Variants in EPHA3 observed in about 807,000 individuals in gnomAD.
EPHA3 encodes EPH receptor A3, also known as ephrin type-A receptor 3.
A neutral mutation model predicts 107.1 loss-of-function variants in EPHA3; 42 were observed. The observed-to-expected ratio is 0.39, with a 90% CI of 0.31 to 0.51. The LOEUF is 0.51. EPHA3 is among the 20% of genes least tolerant of loss of function. The probability of loss-of-function intolerance (pLI) is 0.78; values close to 1 mark genes in which losing one functional copy is unlikely to be tolerated. For synonymous variants in EPHA3, 461 were observed against 424.8 expected, an observed-to-expected ratio of 1.09 and a Z score of -1.05; for missense variants, 1,183 against 1,211.2, an observed-to-expected ratio of 0.98 and a Z score of 0.35.
intron 3 of EPHA3, among the ~76,000 whole-genome samples, chr3:89,215,695 A>G (rs543848630): frequency 1.7e-4 from 26 of 152,054 alleles, no homozygotes; most frequent in East Asian, 5.8e-4. Flanking sequence ...CATAAATGTT[A>G]GTAACATTCT....
chr3:89,431,379 T>G lies in EPHA3; in HGVS notation c.2346+20T>G. On this transcript the variant is annotated intron_variant, in intron 13 of 16. Coordinates refer to ENST00000336596, the MANE Select transcript of EPHA3 (RefSeq NM_005233.6). ...ACAAGAGTGAGTAACTTAGATTTTC[T>G]CCTTTTTTATCATTGTTTTCCATCT... 1 of 1,593,310 alleles carries G rather than the reference T, an allele frequency of 6.3e-7. No individual in the cohort carries two copies. The highest frequency in any genetic ancestry group is 8.6e-7 in the Non-Finnish European group (1 of 1,165,566).
intron 11 of EPHA3, among the ~76,000 whole-genome samples, chr3:89,419,916 T>C (rs1276812290): frequency 6.6e-6 from 1 of 151,432 alleles, no homozygotes; most frequent in Non-Finnish European, 1.5e-5. Context: ...TGGTTCTCTG[T>C]GGATTTTAAA....
At chr3:89,249,831 C>T (rs1705119502) in intron 3 of EPHA3, among the ~76,000 whole-genome samples, 1 of 152,108 alleles carries the variant, frequency 6.6e-6, no homozygotes, top group Non-Finnish European at 1.5e-5. Context: ...TGACATAATT[C>T]AAATAAAAAA....
intron 3 of EPHA3, among the ~76,000 whole-genome samples, chr3:89,223,825 G>A (rs1025908629): frequency 1.3e-5 from 2 of 151,992 alleles, no homozygotes; most frequent in Non-Finnish European, 2.9e-5. Flanking sequence ...GTATAATAAA[G>A]TACTAAAATA....
chr3:89,241,457 T>A (rs1458803945), intron 3 of EPHA3, among the ~76,000 whole-genome samples: 1 of 152,214 alleles, frequency 6.6e-6, no homozygotes, highest in Non-Finnish European at 1.5e-5. Context: ...TTCTATTACA[T>A]CTACTAACAA....
chr3:89,193,094 C>T (rs1241766171), intron 2 of EPHA3, among the ~76,000 whole-genome samples: 5 of 151,872 alleles, frequency 3.3e-5, no homozygotes, highest in African/African-American at 7.3e-5. Context: ...AATTGCATAA[C>T]GTTGTAGTTT....
At chr3:89,112,641 TG>T (rs977478800) in intron 1 of EPHA3, among the ~76,000 whole-genome samples, 85 of 150,176 alleles carry the variant, frequency 5.7e-4, no homozygotes, top group African/African-American at 1.9e-3. Flanking sequence ...TCAACACAAA[TG>T]AAAAAAAAAA....
intron 2 of EPHA3, among the ~76,000 whole-genome samples, chr3:89,172,414 T>A (rs577178147): frequency 6.6e-6 from 1 of 152,288 alleles, no homozygotes; most frequent in Admixed American, 6.5e-5. Flanking sequence ...GGCCAGTAAC[T>A]GACAGACAAT....
intron 3 of EPHA3, among the ~76,000 whole-genome samples, chr3:89,275,049 G>A (rs1371954602): frequency 2.6e-5 from 4 of 151,994 alleles, no homozygotes; most frequent in Non-Finnish European, 5.9e-5. Context: ...CTGAAGCTTT[G>A]AGTGGTTGTG....
intron 3 of EPHA3, among the ~76,000 whole-genome samples, chr3:89,230,524 T>C (rs1440421573): frequency 1.3e-5 from 2 of 152,090 alleles, no homozygotes; most frequent in African/African-American, 2.4e-5. Context: ...ATAAAACTTA[T>C]GGATGAACAC....
chr3:89,420,513 A>C, intron 11 of EPHA3, among the ~76,000 whole-genome samples: 1 of 151,508 alleles, frequency 6.6e-6, no homozygotes, highest in East Asian at 1.9e-4. Flanking sequence ...AAGGCTTTTT[A>C]TTTGTTTGCC....
intron 6 of EPHA3, among the ~76,000 whole-genome samples, chr3:89,397,580 C>CTTT (rs35334618): frequency 8.4e-5 from 11 of 131,096 alleles, no homozygotes; most frequent in African/African-American, 1.4e-4. Context: ...GCATCATTGC[C>CTTT]TTTTTTTTTT....
intron 3 of EPHA3, among the ~76,000 whole-genome samples, chr3:89,283,860 G>A (rs1706007748): frequency 6.6e-6 from 1 of 151,900 alleles, no homozygotes; most frequent in South Asian, 2.1e-4. Flanking sequence ...TTAAACAAAT[G>A]GAATATGTTT....
intron 2 of EPHA3, among the ~76,000 whole-genome samples, chr3:89,208,399 A>AAAGGAAGG (rs11272670): frequency 0.042 from 1,132 of 26,880 alleles, 184 homozygotes; most frequent in Admixed American, 0.095. Context: ...GAAAGAAAGA[A>AAAGGAAGG]AAGGAAGGAA....
chr3:89,386,803 T>A (rs1240108524), intron 5 of EPHA3, among the ~76,000 whole-genome samples: 1 of 152,198 alleles, frequency 6.6e-6, no homozygotes, highest in Admixed American at 6.5e-5. Flanking sequence ...TGGGAGCCCA[T>A]CTCTTGCATC....
intron 2 of EPHA3, among the ~76,000 whole-genome samples, chr3:89,141,164 AG>A (rs1468487799): frequency 6.6e-6 from 1 of 151,616 alleles, no homozygotes; most frequent in Non-Finnish European, 1.5e-5. Context: ...GCTATTTCCA[AG>A]GAAATCTTAA....
At chr3:89,224,165 A>T (rs993185169) in intron 3 of EPHA3, among the ~76,000 whole-genome samples, 1 of 152,182 alleles carries the variant, frequency 6.6e-6, no homozygotes, top group Non-Finnish European at 1.5e-5. Context: ...TTACACTCTC[A>T]TTTGTAGTTT....
chr3:89,132,873 G>C (rs1428555712), intron 2 of EPHA3, among the ~76,000 whole-genome samples: 2 of 152,080 alleles, frequency 1.3e-5, no homozygotes, highest in African/African-American at 2.4e-5. Context: ...CTGAATGACG[G>C]AGCCAGACTC....
rs762601076 is a variant in EPHA3, at chr3:89,479,422, G to A, written c.2872G>A (p.Val958Met). 37 of 1,614,016 alleles carry A rather than the reference G, an allele frequency of 2.3e-5. No homozygotes were observed. The highest frequency in any genetic ancestry group is 5.3e-5 in the African/African-American group (4 of 74,920). ...TGACATGAAAAAGGTTGGTGTCACC[G>A]TGGTTGGGCCACAGAAGAAGATCAT... ...TDDMKKVGVTVVGPQKKIISS... is the reference protein window; with the variant it reads ...TDDMKKVGVTMVGPQKKIISS... The change falls in exon 17 of 17, where the codon GTG becomes ATG. Residue 958 changes from valine (V) to methionine (M), a missense_variant. Coordinates refer to ENST00000336596, the MANE Select transcript of EPHA3 (RefSeq NM_005233.6).
Sources: gnomAD v4.1 joint callset for allele counts (sites outside exome capture counted in the v4.1 genomes callset) on GRCh38, gnomAD v4.1.1 for gene constraint, MANE v1.5 for transcripts, NCBI Gene and HGNC (gene_info 2026-07-23, HGNC 2026-07-21) for gene names.